The following SENP2 variants were observed in gnomAD, a reference collection of about 807,000 sequenced individuals.
SENP2 encodes sentrin-specific protease 2.
Under a neutral mutation model 86.3 loss-of-function variants are expected in SENP2, and 16 were observed. The ratio of observed to expected loss-of-function variants is 0.19; its 90% CI spans 0.13 to 0.28. The LOEUF (loss-of-function observed/expected upper bound fraction) is 0.28, where lower values mean the gene tolerates loss of function less well. Ranked by LOEUF, SENP2 falls within the 10% of genes least tolerant of loss-of-function variation. The pLI, the probability that SENP2 is intolerant of heterozygous loss-of-function variation, is 1.00. For missense variants in SENP2, 552 were observed against 703.0 expected, an observed-to-expected ratio of 0.79 and a Z score of 2.43; for synonymous variants, 222 against 238.7, an observed-to-expected ratio of 0.93 and a Z score of 0.64.
chr3:185,632,278 A>G lies in SENP2; in HGVS notation c.*2434A>G. The G allele has an allele frequency of 8.4e-6, 1 of 118,730 alleles. No homozygotes were observed. The highest frequency in any genetic ancestry group is 1.6e-5 in the Non-Finnish European group (1 of 61,970). The allele number at this position is 118,730 out of a possible 1,614,324, so 7.4% of individuals were successfully genotyped here. A position where few individuals can be genotyped will look rare whatever the true frequency, so the allele number is the denominator to read the frequency against. The stretch of plus-strand genomic sequence containing the variant: ...TTTGCGACAGAGTCTCTTGTCGCCC[A>G]GGCTGGAGTACAATGGTGTGATCTC... On this transcript the variant is annotated 3_prime_UTR_variant, in exon 17 of 17. Transcript: ENST00000296257.
At chr3:185,592,653 G>A (rs1722045458) in intron 2 of SENP2, among the ~76,000 whole-genome samples, 1 of 145,500 alleles carries the variant, frequency 6.9e-6, no homozygotes, top group African/African-American at 2.6e-5. Context: ...GTCTTGCTCT[G>A]TTGCTCAGGC....
chr3:185,623,418 C>T (rs893371992), intron 14 of SENP2, among the ~76,000 whole-genome samples: 3 of 152,156 alleles, frequency 2.0e-5, no homozygotes, highest in African/African-American at 2.4e-5. Flanking sequence ...GATATACAGG[C>T]GTGAGCCACC....
intron 16 of SENP2, among the ~76,000 whole-genome samples, chr3:185,629,158 G>A (rs1041008436): frequency 2.0e-5 from 3 of 152,132 alleles, no homozygotes; most frequent in Admixed American, 2.0e-4. Context: ...AGAATGTTTT[G>A]AAAATTCATA....
At chr3:185,613,156 A>G (rs370700553) in intron 9 of SENP2, among the ~76,000 whole-genome samples, 189 bp from the exon 10 acceptor site, 2 of 152,262 alleles carry the variant, frequency 1.3e-5, no homozygotes, top group East Asian at 3.8e-4. Context: ...GCCCAAGACC[A>G]TAAAACCTGC....
At chr3:185,623,626 C>T (rs1711993050) in intron 14 of SENP2, among the ~76,000 whole-genome samples, 2 of 151,762 alleles carry the variant, frequency 1.3e-5, no homozygotes, top group Admixed American at 1.3e-4. Context: ...AGATCGAGAC[C>T]ATCCTGGCTA....
intron 13 of SENP2, 30 bp from the exon 14 acceptor site, chr3:185,621,796 G>T (rs775415444): frequency 7.5e-7 from 1 of 1,335,182 alleles, no homozygotes; most frequent in Non-Finnish European, 1.1e-6. Context: ...CATTTAAGAT[G>T]TTTCTGGATG....
intron 2 of SENP2, among the ~76,000 whole-genome samples, chr3:185,594,566 G>A (rs554527709): frequency 1.3e-5 from 2 of 150,784 alleles, no homozygotes; most frequent in African/African-American, 4.9e-5. Context: ...AGAAAAAAAA[G>A]CAAAGCAAGG....
intron 13 of SENP2, among the ~76,000 whole-genome samples, chr3:185,621,329 A>T (rs190041319): frequency 2.3e-3 from 287 of 125,330 alleles, no homozygotes; most frequent in Non-Finnish European, 3.0e-3. Context: ...CACATTTTTA[A>T]CTAAAAAAAA....
At chr3:185,621,978 GT>G in intron 14 of SENP2, 73 bp downstream of exon 14, 2 of 926,434 alleles carry the variant, frequency 2.2e-6, no homozygotes, top group Non-Finnish European at 3.4e-6. Context: ...AGGAAGCTGT[GT>G]GGATGGTAGT....
At chr3:185,613,053 A>G (rs1415366626) in intron 9 of SENP2, among the ~76,000 whole-genome samples, 3 of 152,182 alleles carry the variant, frequency 2.0e-5, no homozygotes, top group African/African-American at 7.2e-5. Flanking sequence ...CTACTTGCCT[A>G]TTTTTGTATA....
intron 16 of SENP2, among the ~76,000 whole-genome samples, chr3:185,628,339 A>G (rs945789348): frequency 1.3e-5 from 2 of 151,736 alleles, no homozygotes; most frequent in Non-Finnish European, 2.9e-5. Context: ...GTTTCACCAT[A>G]TTGGCCAGGC....
intron 16 of SENP2, among the ~76,000 whole-genome samples, chr3:185,627,438 A>C (rs895737261): frequency 5.9e-5 from 9 of 152,000 alleles, no homozygotes; most frequent in African/African-American, 1.7e-4. Flanking sequence ...TTTGAGATGG[A>C]GTCTCGCTTT....
chr3:185,606,289 A>G (rs754443303), intron 5 of SENP2, 41 bp from the exon 6 acceptor site: 93 of 1,543,596 alleles, frequency 6.0e-5, no homozygotes, highest in Non-Finnish European at 8.1e-5. Flanking sequence ...CAATTTAAGC[A>G]GCTTGGTGAT....
chr3:185,604,222 T>C (rs753954033), intron 5 of SENP2, among the ~76,000 whole-genome samples: 1 of 152,238 alleles, frequency 6.6e-6, no homozygotes, highest in Non-Finnish European at 1.5e-5. Flanking sequence ...TTGTTTAATT[T>C]CCAAATATTT....
chr3:185,595,425 T>C (rs964402064), intron 2 of SENP2, among the ~76,000 whole-genome samples: 1 of 152,182 alleles, frequency 6.6e-6, no homozygotes, highest in Admixed American at 6.6e-5. Flanking sequence ...AACAACTCAT[T>C]TGCATAGTTT....
Position 185,633,530 on chromosome 3 carries a change from A to G in SENP2, c.*3686A>G, listed in dbSNP as rs1361538480. 2 of 152,162 alleles carry G rather than the reference A, an allele frequency of 1.3e-5. No individual in the cohort carries two copies. Among genetic ancestry groups the G allele is most frequent in the Admixed American group, 1.3e-4 (2 of 15,266 alleles). 9.4% of individuals were successfully genotyped at this position (152,162 alleles called of 1,614,324 possible). A position where few individuals can be genotyped will look rare whatever the true frequency, so the allele number is the denominator to read the frequency against. ...AGGTGTTAATTTTATCTATTTACCA[A>G]TAAATTCATCTCTTTAATTCAGTGG... On this transcript the variant is annotated 3_prime_UTR_variant, in exon 17 of 17. Coordinates refer to ENST00000296257, the MANE Select transcript of SENP2 (RefSeq NM_021627.3).
chr3:185,620,698 C>T (rs899788753), intron 13 of SENP2, among the ~76,000 whole-genome samples: 1 of 151,990 alleles, frequency 6.6e-6, no homozygotes, highest in African/African-American at 2.4e-5. Flanking sequence ...CCACCTCAGC[C>T]TCCCAAAGTG....
At position 185,626,448 on chromosome 3, in the gene SENP2, T is replaced by TG. The variant is rs555685660; in HGVS notation, c.1707+57dup. ...TTGTTACTAAGCAAGATAAGGCACTTGGCCAGTGCCTGGCACACATTCAGC... is the reference window on the plus strand; with the variant it reads ...TTGTTACTAAGCAAGATAAGGCACTTGGGCCAGTGCCTGGCACACATTCAGC... On this transcript the variant is annotated intron_variant, in intron 16 of 16. Transcript: ENST00000296257. The TG allele has an allele frequency of 2.1e-4, 260 of 1,211,008 alleles. 1 individual carries two copies. The African/African-American group carries it at 3.6e-3, about 17-fold the overall frequency. The allele number at this position is 1,211,008 out of a possible 1,614,324, so 75.0% of individuals were successfully genotyped here.
chr3:185,625,113 ATTT>A (rs776466200), intron 15 of SENP2, among the ~76,000 whole-genome samples: 1 of 142,950 alleles, frequency 7.0e-6, no homozygotes, highest in Non-Finnish European at 1.5e-5. Flanking sequence ...ATTTAAGCAA[ATTT>A]TTTTTTTTTT....
Sources: gnomAD v4.1 joint callset for allele counts (sites outside exome capture counted in the v4.1 genomes callset) on GRCh38, gnomAD v4.1.1 for gene constraint, MANE v1.5 for transcripts, NCBI Gene and HGNC (gene_info 2026-07-23, HGNC 2026-07-21) for gene names.